Variants in CCT3 observed in about 807,000 individuals in gnomAD.
CCT3 encodes the protein chaperonin containing TCP1 subunit 3, also known as T-complex protein 1 subunit gamma.
Under a neutral mutation model 65.3 loss-of-function variants are expected in CCT3, and 10 were observed. The observed-to-expected ratio is 0.15, with a 90% CI of 0.09 to 0.26. The LOEUF (loss-of-function observed/expected upper bound fraction) is 0.26, where lower values mean the gene tolerates loss of function less well. Among genes scored for constraint, CCT3 ranks in the 10% least tolerant of loss-of-function variants. The pLI, the probability that CCT3 is intolerant of heterozygous loss-of-function variation, is 1.00. For missense variants in CCT3, 626 were observed against 708.7 expected (o/e 0.88, Z 1.33); for synonymous variants, 225 against 242.3 (o/e 0.93, Z 0.66).
intron 5 of CCT3, among the ~76,000 whole-genome samples, chr1:156,328,471 G>C (rs1285526783): frequency 2.0e-5 from 3 of 152,200 alleles, no homozygotes; most frequent in South Asian, 2.1e-4. Flanking sequence ...TCTGTGTAGA[G>C]AGAAGTAGAC....
chr1:156,325,928 T>TA (rs1402744967), intron 5 of CCT3, among the ~76,000 whole-genome samples: 2 of 151,872 alleles, frequency 1.3e-5, no homozygotes, highest in African/African-American at 2.4e-5. Flanking sequence ...GGCTCTAAAA[T>TA]AAAGAAAAAT....
At chr1:156,318,224 ATTT>A (rs58622068) in intron 8 of CCT3, among the ~76,000 whole-genome samples, 40 of 130,520 alleles carry the variant, frequency 3.1e-4, no homozygotes, top group Admixed American at 9.0e-4. Context: ...GCCCTCTAGA[ATTT>A]TTTTTTTTTT....
At chr1:156,327,355 G>A (rs1664867881) in intron 5 of CCT3, among the ~76,000 whole-genome samples, 1 of 152,182 alleles carries the variant, frequency 6.6e-6, no homozygotes, top group East Asian at 1.9e-4. Context: ...AAGCTGGACT[G>A]TACTACTGCC....
At chr1:156,310,052 A>T (rs1664014325) in intron 13 of CCT3, among the ~76,000 whole-genome samples, 1 of 151,070 alleles carries the variant, frequency 6.6e-6, no homozygotes, top group Non-Finnish European at 1.5e-5. Flanking sequence ...AAAAAAAAAA[A>T]AAAAAAAAAA....
In CCT3 at chr1:156,320,865, T is replaced by C. The variant is rs11548200; in HGVS notation, c.583A>G (p.Ile195Val). Residue 195 changes from isoleucine (I) to valine (V), a missense_variant, in exon 7 of 14, where the codon ATA becomes GTA. By Grantham distance (29) the Ile-to-Val change is conservative (BLOSUM62 3). Transcript: ENST00000295688. ...FEENGRKEIDIKKYARVEKIP... is the reference protein window; with the variant it reads ...FEENGRKEIDVKKYARVEKIP... Reference sequence around the variant, plus strand: ...TTTTCCACTCTTGCATATTTTTTTATGTCAATCTCTTTCCGACCATTCTCC... The same window carrying C: ...TTTTCCACTCTTGCATATTTTTTTACGTCAATCTCTTTCCGACCATTCTCC... 0.055 allele frequency: 88,935 copies of C among 1,610,820 alleles called. 2,785 individuals carry two copies. The highest frequency in any genetic ancestry group is 0.064 in the Non-Finnish European group (75,344 of 1,177,466).
chr1:156,327,273 CCCCTCTCCCCTCTCCCTCTCCACGGTCT>C (rs1393473541), intron 5 of CCT3, among the ~76,000 whole-genome samples: 1 of 151,324 alleles, frequency 6.6e-6, no homozygotes, highest in East Asian at 1.9e-4. Context: ...TCTCGCCTCT[CCCCTCTCCCCTCTCCCTCTCCACGGTCT>C]CCCTCTCCCT....
chr1:156,318,841 T>C, intron 8 of CCT3, 27 bp downstream of exon 8: 1 of 1,597,728 alleles, frequency 6.3e-7, no homozygotes, highest in South Asian at 1.1e-5. Context: ...TTGCATCTAC[T>C]TTAAGGAACA....
At chr1:156,326,527 G>A (rs1000378015) in intron 5 of CCT3, among the ~76,000 whole-genome samples, 1 of 151,444 alleles carries the variant, frequency 6.6e-6, no homozygotes, top group African/African-American at 2.4e-5. Context: ...GCACATGCCT[G>A]TATTCCTAGC....
chr1:156,310,752 A>T, intron 12 of CCT3, 63 bp from the exon 13 acceptor site: 1 of 1,587,100 alleles, frequency 6.3e-7, no homozygotes, highest in South Asian at 1.1e-5. Flanking sequence ...GTAAGAAATG[A>T]AGTAAAAAAC....
intron 11 of CCT3, 147 bp downstream of exon 11, chr1:156,311,892 TAA>T: frequency 2.1e-6 from 1 of 478,096 alleles, no homozygotes; most frequent in Non-Finnish European, 3.4e-6. Context: ...ATTATTTAAT[TAA>T]AAAAAGGAAG....
intron 10 of CCT3, among the ~76,000 whole-genome samples, chr1:156,313,807 C>T (rs1016937554): frequency 2.0e-5 from 3 of 152,022 alleles, no homozygotes; most frequent in Non-Finnish European, 4.4e-5. Context: ...AAAGAACCGT[C>T]GGCTGGGCAC....
At chr1:156,337,102 G>A in intron 1 of CCT3, 2 of 1,285,214 alleles carry the variant, frequency 1.6e-6, no homozygotes, top group Non-Finnish European at 2.0e-6. Flanking sequence ...TGGAGGTGGT[G>A]CTCATCAGAA....
At chr1:156,310,404 G>C (rs748223228) in intron 13 of CCT3, among the ~76,000 whole-genome samples, 154 bp downstream of exon 13, 1 of 152,082 alleles carries the variant, frequency 6.6e-6, no homozygotes, top group Non-Finnish European at 1.5e-5. Context: ...TGAGGCACAA[G>C]AATTGCTTGA....
chr1:156,335,008 C>A, intron 2 of CCT3, 90 bp from the exon 3 acceptor site: 3 of 974,398 alleles, frequency 3.1e-6, no homozygotes, highest in South Asian at 2.9e-5. Flanking sequence ...GCATGAACAA[C>A]CCACAGAGTC....
At chr1:156,315,810 T>C (rs1296250945) in intron 10 of CCT3, among the ~76,000 whole-genome samples, 1 of 152,152 alleles carries the variant, frequency 6.6e-6, no homozygotes, top group Non-Finnish European at 1.5e-5. Context: ...TACTAAAATC[T>C]GGACAAATTA....
At chr1:156,329,498 G>C (rs886688096) in intron 5 of CCT3, among the ~76,000 whole-genome samples, 10 of 151,708 alleles carry the variant, frequency 6.6e-5, no homozygotes, top group African/African-American at 1.4e-4. Flanking sequence ...GCAAAGACAG[G>C]GTTTCACCAT....
chr1:156,316,119 TG>T (rs1200365482), intron 10 of CCT3, among the ~76,000 whole-genome samples: 1 of 112,440 alleles, frequency 8.9e-6, no homozygotes, highest in African/African-American at 3.3e-5. Context: ...GGGGGTGGGG[TG>T]GGGGGATGGA....
chr1:156,312,364 A>G, intron 10 of CCT3, 143 bp from the exon 11 acceptor site: 2 of 677,670 alleles, frequency 3.0e-6, no homozygotes, highest in South Asian at 2.4e-5. Context: ...TGTCCGGTGA[A>G]AAAGATTTTC....
chr1:156,310,712 AG>A, intron 12 of CCT3, 23 bp from the exon 13 acceptor site: 1 of 1,612,398 alleles, frequency 6.2e-7, no homozygotes, highest in Non-Finnish European at 8.5e-7. Flanking sequence ...CAAGAAGTAA[AG>A]GGGAAAATAA....
Sources: allele counts gnomAD v4.1 joint callset (sites outside exome capture counted in the v4.1 genomes callset), GRCh38; gene constraint gnomAD v4.1.1; transcripts MANE v1.5; gene names NCBI Gene and HGNC (gene_info 2026-07-23, HGNC 2026-07-21).